IMMP2L: variants seen among roughly 807,000 people sequenced by gnomAD.
IMMP2L encodes the protein inner mitochondrial membrane peptidase subunit 2.
IMMP2L carries 18 observed loss-of-function variants against 19.3 expected under a neutral mutation model. That is an observed-to-expected ratio of 0.93 (90% confidence interval 0.64 to 1.38). IMMP2L has a LOEUF of 1.38. Among genes scored for constraint, IMMP2L ranks in the 40% most tolerant of loss-of-function variants. The probability of loss-of-function intolerance (pLI) is 0.00; values close to 1 mark genes in which losing one functional copy is unlikely to be tolerated. For synonymous variants in IMMP2L, 76 were observed against 73.0 expected, an observed-to-expected ratio of 1.04 and a Z score of -0.21; for missense variants, 233 against 218.2, an observed-to-expected ratio of 1.07 and a Z score of -0.43.
chr7:111,341,265 A>C (rs1826980549), intron 3 of IMMP2L, among the ~76,000 whole-genome samples: 1 of 152,088 alleles, frequency 6.6e-6, no homozygotes, highest in Admixed American at 6.6e-5. Context: ...AAAGTTCTCA[A>C]GATATTAAAT....
At chr7:111,177,865 TGTC>T (rs1206354099) in intron 3 of IMMP2L, among the ~76,000 whole-genome samples, 1 of 152,082 alleles carries the variant, frequency 6.6e-6, no homozygotes, top group Non-Finnish European at 1.5e-5. Context: ...AGGTACTTGT[TGTC>T]AGAGGGCAGG....
At chr7:110,876,369 T>C (rs2129544394) in intron 5 of IMMP2L, among the ~76,000 whole-genome samples, 1 of 152,218 alleles carries the variant, frequency 6.6e-6, no homozygotes, top group South Asian at 2.1e-4. Flanking sequence ...GAATGGAACT[T>C]TGACACTTTG....
At chr7:111,189,213 A>T (rs1490932419) in intron 3 of IMMP2L, among the ~76,000 whole-genome samples, 3 of 152,144 alleles carry the variant, frequency 2.0e-5, no homozygotes, top group Non-Finnish European at 4.4e-5. Context: ...AGTGTTTTCA[A>T]TTAAAATAAC....
intron 5 of IMMP2L, among the ~76,000 whole-genome samples, chr7:110,854,054 A>G (rs1162229084): frequency 2.6e-5 from 4 of 151,944 alleles, no homozygotes; most frequent in African/African-American, 9.6e-5. Flanking sequence ...AAAAGAGCCT[A>G]TGTCTTACAG....
At chr7:111,394,686 T>C (rs1338726969) in intron 3 of IMMP2L, among the ~76,000 whole-genome samples, 2 of 152,088 alleles carry the variant, frequency 1.3e-5, no homozygotes. Flanking sequence ...ACTTTAAATA[T>C]CCGTCCCTGT....
At chr7:110,947,292 T>C (rs1310029152) in intron 4 of IMMP2L, among the ~76,000 whole-genome samples, 1 of 152,182 alleles carries the variant, frequency 6.6e-6, no homozygotes, top group Non-Finnish European at 1.5e-5. Context: ...GTTAAGGATG[T>C]TGCAGGTTTT....
chr7:110,813,554 A>G (rs1360023255), intron 5 of IMMP2L, among the ~76,000 whole-genome samples: 1 of 151,716 alleles, frequency 6.6e-6, no homozygotes, highest in Non-Finnish European at 1.5e-5. Context: ...CAGACTCCTG[A>G]GTAGCTGGGA....
At chr7:110,928,814 C>T (rs1314017220) in intron 4 of IMMP2L, among the ~76,000 whole-genome samples, 1 of 152,032 alleles carries the variant, frequency 6.6e-6, no homozygotes, top group Non-Finnish European at 1.5e-5. Context: ...GCTTCAGAAA[C>T]CAAATCCCCT....
chr7:111,458,017 T>C (rs1180844138), intron 3 of IMMP2L, among the ~76,000 whole-genome samples: 1 of 151,800 alleles, frequency 6.6e-6, no homozygotes, highest in African/African-American at 2.4e-5. Context: ...ATGTAAATAA[T>C]TTCTGCTTAC....
At chr7:110,864,373 T>C (rs976515259) in intron 5 of IMMP2L, among the ~76,000 whole-genome samples, 8 of 151,988 alleles carry the variant, frequency 5.3e-5, no homozygotes, top group Admixed American at 2.6e-4. Context: ...TGTTCAAATA[T>C]ACACAGGGAC....
chr7:111,460,622 A>G (rs1237549114), intron 3 of IMMP2L, among the ~76,000 whole-genome samples: 1 of 152,072 alleles, frequency 6.6e-6, no homozygotes, highest in African/African-American at 2.4e-5. Flanking sequence ...TTTTTCCACA[A>G]GGAAAATCCT....
At chr7:111,444,937 G>C (rs1563199355) in intron 3 of IMMP2L, among the ~76,000 whole-genome samples, 1 of 151,964 alleles carries the variant, frequency 6.6e-6, no homozygotes, top group Admixed American at 6.6e-5. Flanking sequence ...AAATACTTTA[G>C]ACTTACGTTT....
At chr7:111,008,562 T>C (rs970215925) in intron 3 of IMMP2L, among the ~76,000 whole-genome samples, 11 of 151,868 alleles carry the variant, frequency 7.2e-5, no homozygotes, top group African/African-American at 2.7e-4. Context: ...GATACTTATA[T>C]ATATGGCCAC....
At chr7:111,255,666 C>T (rs1229290535) in intron 3 of IMMP2L, among the ~76,000 whole-genome samples, 1 of 151,960 alleles carries the variant, frequency 6.6e-6, no homozygotes, top group Non-Finnish European at 1.5e-5. Flanking sequence ...GGAAAGGTGA[C>T]TGGGCCATCC....
intron 2 of IMMP2L, among the ~76,000 whole-genome samples, chr7:111,494,617 T>A (rs1189843611): frequency 6.6e-6 from 1 of 152,168 alleles, no homozygotes; most frequent in Non-Finnish European, 1.5e-5. Flanking sequence ...ACCATATTAC[T>A]TTAAACAGAT....
At chr7:111,079,659 T>C (rs1483288179) in intron 3 of IMMP2L, among the ~76,000 whole-genome samples, 2 of 152,136 alleles carry the variant, frequency 1.3e-5, no homozygotes, top group Admixed American at 6.5e-5. Flanking sequence ...GCTCCTAACT[T>C]TATGATTATA....
chr7:110,853,267 A>G (rs1457658767), intron 5 of IMMP2L, among the ~76,000 whole-genome samples: 1 of 151,980 alleles, frequency 6.6e-6, no homozygotes, highest in East Asian at 1.9e-4. Context: ...TGTACTTTAT[A>G]CACATATGTA....
chr7:111,347,219 T>C (rs1346112239), intron 3 of IMMP2L, among the ~76,000 whole-genome samples: 2 of 151,788 alleles, frequency 1.3e-5, no homozygotes, highest in African/African-American at 2.4e-5. Flanking sequence ...TAGCAATAGA[T>C]TGAAGAATAT....
At chr7:111,539,210 GAAAGAAAGAAAGAAAGAA>G (rs1848256793) in intron 1 of IMMP2L, among the ~76,000 whole-genome samples, 65 of 67,966 alleles carry the variant, frequency 9.6e-4, no homozygotes, top group South Asian at 1.5e-3. Context: ...AAGAAAGAAA[GAAAGAAAGAAAGAAAGAA>G]AGAAAGAAAG....
Sources: gnomAD v4.1 joint callset for allele counts (sites outside exome capture counted in the v4.1 genomes callset) on GRCh38, gnomAD v4.1.1 for gene constraint, MANE v1.5 for transcripts, NCBI Gene and HGNC (gene_info 2026-07-23, HGNC 2026-07-21) for gene names.